PTPRD: variants seen among roughly 807,000 people sequenced by gnomAD.
PTPRD encodes protein tyrosine phosphatase receptor type D.
Under a neutral mutation model 214.5 loss-of-function variants are expected in PTPRD, and 34 were observed. The ratio of observed to expected loss-of-function variants is 0.16; its 90% CI spans 0.12 to 0.21. The LOEUF (loss-of-function observed/expected upper bound fraction) is 0.21, where lower values mean the gene tolerates loss of function less well. Among genes scored for constraint, PTPRD ranks in the 10% least tolerant of loss-of-function variants. The pLI, the probability that PTPRD is intolerant of heterozygous loss-of-function variation, is 1.00. For missense variants in PTPRD, 2,545 were observed against 2,398.7 expected, an observed-to-expected ratio of 1.06 and a Z score of -1.27; for synonymous variants, 1,128 against 845.7, an observed-to-expected ratio of 1.33 and a Z score of -5.79.
intron 2 of PTPRD, among the ~76,000 whole-genome samples, chr9:10,491,766 A>G (rs967488199): frequency 6.6e-5 from 10 of 151,720 alleles, no homozygotes; most frequent in African/African-American, 1.9e-4. Context: ...CAGAACATGC[A>G]GGTTTGTTAC....
intron 2 of PTPRD, among the ~76,000 whole-genome samples, chr9:10,586,693 T>C (rs997093886): frequency 2.6e-5 from 4 of 152,090 alleles, no homozygotes; most frequent in African/African-American, 9.7e-5. Flanking sequence ...GAATTATTCC[T>C]TCTTACTATC....
chr9:9,760,224 T>C (rs1446837192), intron 6 of PTPRD, among the ~76,000 whole-genome samples: 1 of 151,444 alleles, frequency 6.6e-6, no homozygotes, highest in African/African-American at 2.4e-5. Context: ...ATACATCTAC[T>C]TTTTTTTTGT....
intron 11 of PTPRD, among the ~76,000 whole-genome samples, chr9:8,759,725 T>C (rs762827284): frequency 6.6e-6 from 1 of 152,018 alleles, no homozygotes; most frequent in African/African-American, 2.4e-5. Flanking sequence ...ATCAAGACTA[T>C]ATCTTCTTCC....
At chr9:8,791,718 G>C (rs60043859) in intron 11 of PTPRD, among the ~76,000 whole-genome samples, 18,614 of 151,688 alleles carry the variant, frequency 0.12, 1,347 homozygotes, top group East Asian at 0.35. Context: ...GGGAAAGAAA[G>C]GAACGTGAGA....
chr9:8,831,965 T>C (rs2097301423), intron 11 of PTPRD, among the ~76,000 whole-genome samples: 1 of 152,140 alleles, frequency 6.6e-6, no homozygotes, highest in Admixed American at 6.6e-5. Context: ...ATCCATTTCC[T>C]ACTTTAGTAG....
In PTPRD at chr9:10,399,743, A is replaced by C. The variant is rs192944840; in HGVS notation, c.-599-58726T>G. On this transcript the variant is annotated intron_variant, in intron 2 of 45. Transcript: ENST00000381196. ...ATTTAGGCATATGATATGTGGGAGAAAGATATTCTAGGCAGTGAGAATCTA... is the reference window on the plus strand; with the variant it reads ...ATTTAGGCATATGATATGTGGGAGACAGATATTCTAGGCAGTGAGAATCTA... Among the ~76,000 whole-genome samples the C allele has an allele frequency of 2.1e-3, 326 of 152,062 alleles. 2 individuals carry two copies. The highest frequency in any genetic ancestry group is 7.5e-3 in the African/African-American group (313 of 41,556).
intron 14 of PTPRD, among the ~76,000 whole-genome samples, chr9:8,596,578 A>C (rs968421584): frequency 3.3e-5 from 5 of 152,048 alleles, no homozygotes; most frequent in Admixed American, 2.0e-4. Flanking sequence ...ATTTTGAAAA[A>C]CAAGACTGGT....
At chr9:8,950,222 C>A (rs745410754) in intron 11 of PTPRD, among the ~76,000 whole-genome samples, 1 of 152,114 alleles carries the variant, frequency 6.6e-6, no homozygotes, top group Non-Finnish European at 1.5e-5. Flanking sequence ...TACTAAGTAT[C>A]TCTACCTACT....
intron 3 of PTPRD, among the ~76,000 whole-genome samples, chr9:10,094,679 A>G (rs1266367577): frequency 1.3e-5 from 2 of 151,348 alleles, no homozygotes; most frequent in African/African-American, 4.8e-5. Context: ...ATGTAAAACA[A>G]GATGCTGCAG....
intron 5 of PTPRD, among the ~76,000 whole-genome samples, chr9:9,775,134 T>G (rs2154485128): frequency 1.3e-5 from 2 of 152,330 alleles, no homozygotes; most frequent in Admixed American, 1.3e-4. Context: ...CATTTACGTA[T>G]CTGTCACCCC....
chr9:10,085,006 T>C (rs1039212018), intron 3 of PTPRD, among the ~76,000 whole-genome samples: 1 of 151,888 alleles, frequency 6.6e-6, no homozygotes, highest in African/African-American at 2.4e-5. Flanking sequence ...TCCAGAGAAA[T>C]AAATATCAAT....
chr9:9,989,983 T>G (rs542254140), intron 4 of PTPRD, among the ~76,000 whole-genome samples: 10 of 152,312 alleles, frequency 6.6e-5, no homozygotes, highest in African/African-American at 2.4e-4. Context: ...TCAAGGGGAC[T>G]ATCCCATCTC....
chr9:8,398,612 A>T (rs1439136153), intron 36 of PTPRD, among the ~76,000 whole-genome samples: 2 of 152,228 alleles, frequency 1.3e-5, no homozygotes, highest in Non-Finnish European at 2.9e-5. Context: ...TTAAGTCATC[A>T]GGGCAGAGCC....
At chr9:9,116,118 C>G (rs1309547487) in intron 10 of PTPRD, among the ~76,000 whole-genome samples, 1 of 152,004 alleles carries the variant, frequency 6.6e-6, no homozygotes, top group African/African-American at 2.4e-5. Flanking sequence ...ATGCTCACTA[C>G]CTGGGTAACG....
chr9:8,322,083 G>T (rs974194443), intron 44 of PTPRD, among the ~76,000 whole-genome samples: 1 of 151,976 alleles, frequency 6.6e-6, no homozygotes, highest in African/African-American at 2.4e-5. Context: ...ATGACCATAA[G>T]ACAACAAACA....
intron 3 of PTPRD, among the ~76,000 whole-genome samples, chr9:10,188,920 G>A (rs956380572): frequency 4.7e-4 from 71 of 152,254 alleles, no homozygotes; most frequent in African/African-American, 1.7e-3. Context: ...GAATTTAACT[G>A]GCTTTGCCTG....
chr9:10,604,356 A>G (rs1216845165), intron 2 of PTPRD, among the ~76,000 whole-genome samples: 1 of 151,898 alleles, frequency 6.6e-6, no homozygotes, highest in Admixed American at 6.6e-5. Flanking sequence ...TCAAAAAGCC[A>G]GTATGAATGT....
intron 8 of PTPRD, among the ~76,000 whole-genome samples, chr9:9,454,096 G>C (rs1426197864): frequency 6.6e-6 from 1 of 151,576 alleles, no homozygotes; most frequent in Non-Finnish European, 1.5e-5. Flanking sequence ...AAAAGTGTAA[G>C]ACAATGTTTA....
At chr9:9,353,131 G>A (rs1041200731) in intron 9 of PTPRD, among the ~76,000 whole-genome samples, 1 of 151,928 alleles carries the variant, frequency 6.6e-6, no homozygotes, top group Non-Finnish European at 1.5e-5. Context: ...TCGGTCAAAA[G>A]ACTGTCCTTG....
Sources: gnomAD v4.1 joint callset for allele counts (sites outside exome capture counted in the v4.1 genomes callset) on GRCh38, gnomAD v4.1.1 for gene constraint, MANE v1.5 for transcripts, NCBI Gene and HGNC (gene_info 2026-07-23, HGNC 2026-07-21) for gene names.